The following CEP170 variants were observed in gnomAD, a reference collection of about 807,000 sequenced individuals.
CEP170 encodes centrosomal protein of 170 kDa.
Under a neutral mutation model 151.9 loss-of-function variants are expected in CEP170, and 21 were observed. That is an observed-to-expected ratio of 0.14 (90% CI 0.10 to 0.20). The LOEUF (loss-of-function observed/expected upper bound fraction) is 0.20, where lower values mean the gene tolerates loss of function less well. Among genes scored for constraint, CEP170 ranks in the 10% least tolerant of loss-of-function variants. CEP170 has a pLI of 1.00. For missense variants in CEP170, 964 were observed against 1,892.9 expected, an observed-to-expected ratio of 0.51 and a Z score of 9.11; for synonymous variants, 356 against 648.8, an observed-to-expected ratio of 0.55 and a Z score of 6.86.
chr1:243,196,229 G>A (rs1404969604), intron 7 of CEP170, among the ~76,000 whole-genome samples: 1 of 151,894 alleles, frequency 6.6e-6, no homozygotes, highest in Admixed American at 6.6e-5. Flanking sequence ...AGTAATGATG[G>A]CTGAAATATT....
In CEP170 at chr1:243,239,837, T is replaced by C. The variant is rs2064643305; in HGVS notation, c.-41-14516A>G. Among the ~76,000 whole-genome samples the C allele has an allele frequency of 2.0e-5, 3 of 152,246 alleles. No homozygotes were observed. The South Asian group carries it at 6.2e-4, about 31-fold the overall frequency. Reference sequence around the variant, plus strand: ...TATAAACTGAGTTGCTTGAGTAAAGTGGCTATTACTTAGTAATCCTGGTAT... The same window carrying C: ...TATAAACTGAGTTGCTTGAGTAAAGCGGCTATTACTTAGTAATCCTGGTAT... On this transcript the variant is annotated intron_variant, in intron 1 of 19. Coordinates refer to ENST00000366542, the MANE Select transcript of CEP170 (RefSeq NM_014812.3).
chr1:243,224,628 T>A (rs1480232728), intron 2 of CEP170, among the ~76,000 whole-genome samples: 1 of 152,224 alleles, frequency 6.6e-6, no homozygotes, highest in Non-Finnish European at 1.5e-5. Context: ...ATAGAGACCC[T>A]CTTCCTGAGG....
At chr1:243,145,587 T>C (rs1453294082) in intron 14 of CEP170, among the ~76,000 whole-genome samples, 4 of 152,210 alleles carry the variant, frequency 2.6e-5, no homozygotes, top group Non-Finnish European at 1.5e-5. Flanking sequence ...ATTTGCCCTA[T>C]TTTTTGATAG....
At chr1:243,251,942 C>G (rs1354793858) in intron 1 of CEP170, among the ~76,000 whole-genome samples, 1 of 152,158 alleles carries the variant, frequency 6.6e-6, no homozygotes, top group African/African-American at 2.4e-5. Context: ...CCAGTTTAAT[C>G]AACCACACTA....
intron 16 of CEP170, among the ~76,000 whole-genome samples, chr1:243,138,953 C>T (rs1388255436): frequency 6.6e-6 from 1 of 152,204 alleles, no homozygotes; most frequent in Admixed American, 6.5e-5. Flanking sequence ...GCCTATGTAG[C>T]TACCTTTCCT....
At chr1:243,254,741 C>T (rs2066422317) in intron 1 of CEP170, among the ~76,000 whole-genome samples, 2 of 144,532 alleles carry the variant, frequency 1.4e-5, no homozygotes, top group Admixed American at 1.5e-4. Flanking sequence ...GCGGAGGCGG[C>T]AGCAAGGGGC....
At chr1:243,202,799 C>T (rs904020485) in intron 4 of CEP170, among the ~76,000 whole-genome samples, 2 of 151,972 alleles carry the variant, frequency 1.3e-5, no homozygotes, top group Non-Finnish European at 2.9e-5. Flanking sequence ...CCTACTTTTT[C>T]TATGAAAAAA....
chr1:243,156,550 C>T, intron 13 of CEP170, 95 bp from the exon 14 acceptor site: 15 of 1,184,138 alleles, frequency 1.3e-5, no homozygotes, highest in Non-Finnish European at 1.7e-5. Flanking sequence ...TGAGAGCGCA[C>T]ACACGGCACA....
intron 16 of CEP170, among the ~76,000 whole-genome samples, chr1:243,137,438 C>T (rs916554855): frequency 6.6e-6 from 1 of 152,154 alleles, no homozygotes; most frequent in African/African-American, 2.4e-5. Context: ...CTAAGGCCTA[C>T]AAAACAAGAG....
intron 10 of CEP170, among the ~76,000 whole-genome samples, chr1:243,175,504 GACA>G (rs1290807148): frequency 6.6e-6 from 1 of 152,116 alleles, no homozygotes; most frequent in Non-Finnish European, 1.5e-5. Flanking sequence ...ATCCACCTGT[GACA>G]ACTTTTATGT....
At chr1:243,252,201 T>C (rs1391604873) in intron 1 of CEP170, among the ~76,000 whole-genome samples, 1 of 152,220 alleles carries the variant, frequency 6.6e-6, no homozygotes, top group Admixed American at 6.5e-5. Context: ...TCTTTTGTTA[T>C]ACTTCCAGAA....
At chr1:243,178,417 C>CCA (rs1430965950) in intron 10 of CEP170, among the ~76,000 whole-genome samples, 1 of 150,056 alleles carries the variant, frequency 6.7e-6, no homozygotes, top group African/African-American at 2.5e-5. Context: ...TCACAAAAGA[C>CCA]CACATATAGT....
At chr1:243,158,760 A>G (rs2057787725) in intron 13 of CEP170, among the ~76,000 whole-genome samples, 1 of 152,144 alleles carries the variant, frequency 6.6e-6, no homozygotes, top group Non-Finnish European at 1.5e-5. Flanking sequence ...AGCTACTAAT[A>G]ATATCTTTTA....
At chr1:243,239,113 C>T (rs1426876613) in intron 1 of CEP170, among the ~76,000 whole-genome samples, 1 of 152,098 alleles carries the variant, frequency 6.6e-6, no homozygotes, top group Non-Finnish European at 1.5e-5. Flanking sequence ...AAGATCAGAC[C>T]TTCCCTCTGC....
intron 1 of CEP170, among the ~76,000 whole-genome samples, chr1:243,252,264 G>A (rs1572709445): frequency 6.6e-6 from 1 of 152,152 alleles, no homozygotes; most frequent in African/African-American, 2.4e-5. Flanking sequence ...CAGGTTGTCT[G>A]TCAGATACTT....
intron 1 of CEP170, among the ~76,000 whole-genome samples, chr1:243,236,960 A>G (rs1183716065): frequency 6.6e-6 from 1 of 152,228 alleles, no homozygotes; most frequent in Non-Finnish European, 1.5e-5. Flanking sequence ...GTTTCTGTTC[A>G]TCTTCAATAC....
intron 1 of CEP170, 69 bp from the exon 2 acceptor site, chr1:243,225,390 T>C (rs2063145943): frequency 3.4e-6 from 2 of 583,316 alleles, no homozygotes; most frequent in Admixed American, 7.5e-5. Context: ...CACCAAACAC[T>C]GGAAGGCCTA....
intron 7 of CEP170, among the ~76,000 whole-genome samples, chr1:243,192,543 C>T (rs1290188189): frequency 6.6e-6 from 1 of 152,122 alleles, no homozygotes; most frequent in African/African-American, 2.4e-5. Context: ...ACATATTTCC[C>T]TAAAGCTCAA....
intron 1 of CEP170, among the ~76,000 whole-genome samples, chr1:243,234,639 T>C (rs1160949894): frequency 1.3e-5 from 2 of 152,176 alleles, no homozygotes; most frequent in South Asian, 2.1e-4. Flanking sequence ...AATGTATAAA[T>C]TCAGGAATCC....
Sources: gnomAD v4.1 joint callset for allele counts (sites outside exome capture counted in the v4.1 genomes callset) on GRCh38, gnomAD v4.1.1 for gene constraint, MANE v1.5 for transcripts, NCBI Gene and HGNC (gene_info 2026-07-23, HGNC 2026-07-21) for gene names.